Variants in MAGI3 observed in about 807,000 individuals in gnomAD.
MAGI3 encodes the protein membrane associated guanylate kinase, WW and PDZ domain containing 3.
Under a neutral mutation model 121.8 loss-of-function variants are expected in MAGI3, and 43 were observed. That is an observed-to-expected ratio of 0.35 (90% CI 0.28 to 0.46). MAGI3 has a LOEUF of 0.46. MAGI3 is among the 20% of genes least tolerant of loss of function. The probability of loss-of-function intolerance (pLI) is 1.00; values close to 1 mark genes in which losing one functional copy is unlikely to be tolerated. For synonymous variants in MAGI3, 553 were observed against 639.3 expected, an observed-to-expected ratio of 0.86 and a Z score of 2.04; for missense variants, 1,547 against 1,797.3, an observed-to-expected ratio of 0.86 and a Z score of 2.52.
At chr1:113,479,337 G>T (rs1280877521) in intron 1 of MAGI3, among the ~76,000 whole-genome samples, 1 of 152,116 alleles carries the variant, frequency 6.6e-6, no homozygotes, top group African/African-American at 2.4e-5. Flanking sequence ...CGTTGATCAC[G>T]TTGGGAGCTG....
In MAGI3 at chr1:113,622,790, T is replaced by C. The variant is rs1184283253; in HGVS notation, c.1172-16T>C. 3 of 1,557,234 alleles carry C rather than the reference T, an allele frequency of 1.9e-6. No individual in the cohort carries two copies. Among genetic ancestry groups the C allele is most frequent in the East Asian group, 2.4e-5 (1 of 41,882 alleles). Reference sequence around the variant, plus strand: ...AATTATTTTTGTTCTCAAACCCACTTCTCATTTTGGCACAGATATGGAAAA... The same window carrying C: ...AATTATTTTTGTTCTCAAACCCACTCCTCATTTTGGCACAGATATGGAAAA... On this transcript the variant is annotated splice_polypyrimidine_tract_variant and intron_variant, in intron 8 of 20. Transcript: ENST00000307546.
intron 1 of MAGI3, among the ~76,000 whole-genome samples, chr1:113,394,970 A>G (rs1171258333): frequency 6.6e-6 from 1 of 152,106 alleles, no homozygotes; most frequent in East Asian, 1.9e-4. Flanking sequence ...GCTAATTCCT[A>G]GAAATACACT....
intron 19 of MAGI3, among the ~76,000 whole-genome samples, chr1:113,674,006 G>A (rs752134447): frequency 8.5e-5 from 13 of 152,186 alleles, no homozygotes; most frequent in East Asian, 1.9e-4. Flanking sequence ...CTGTGACTTC[G>A]TATAGGGAAC....
intron 1 of MAGI3, among the ~76,000 whole-genome samples, chr1:113,429,144 C>G (rs755882603): frequency 2.6e-5 from 4 of 152,210 alleles, no homozygotes; most frequent in Non-Finnish European, 5.9e-5. Context: ...TCAGCTATTG[C>G]TAATCATTTA....
At chr1:113,641,049 GATATATTATATATGAT>G (rs1486918547) in intron 9 of MAGI3, among the ~76,000 whole-genome samples, 17,205 of 106,958 alleles carry the variant, frequency 0.16, 3,956 homozygotes, top group African/African-American at 0.28. Flanking sequence ...TAATATATAT[GATATATTATATATGAT>G]ATATATAATA....
intron 2 of MAGI3, among the ~76,000 whole-genome samples, chr1:113,556,159 A>T (rs1299978910): frequency 6.6e-6 from 1 of 152,190 alleles, no homozygotes; most frequent in Non-Finnish European, 1.5e-5. Flanking sequence ...TTCTACCTTG[A>T]GAATCTTAAA....
chr1:113,480,995 A>G (rs1355837250), intron 1 of MAGI3, among the ~76,000 whole-genome samples: 1 of 152,234 alleles, frequency 6.6e-6, no homozygotes, highest in Admixed American at 6.5e-5. Flanking sequence ...TTCTCAATAT[A>G]CTACTATTTA....
chr1:113,634,808 A>G (rs1239530619), intron 9 of MAGI3, among the ~76,000 whole-genome samples: 3 of 152,176 alleles, frequency 2.0e-5, no homozygotes, highest in Admixed American at 6.5e-5. Context: ...CATTGAATCT[A>G]TAAATTACCT....
chr1:113,638,732 C>A (rs974572611), intron 9 of MAGI3, among the ~76,000 whole-genome samples: 22 of 74,212 alleles, frequency 3.0e-4, no homozygotes, highest in Non-Finnish European at 5.4e-4. Flanking sequence ...TCTCCAGCTG[C>A]GTGCTAGGAG....
At position 113,647,912 on chromosome 1, in the gene MAGI3, C is replaced by T. The variant is rs979349399; in HGVS notation, c.2155+1270C>T. Among the ~76,000 whole-genome samples the T allele has an allele frequency of 1.2e-4, 17 of 137,724 alleles. No homozygotes were observed. The Admixed American group carries it at 1.3e-3, about 10-fold the overall frequency. 90.4% of individuals were successfully genotyped at this position (137,724 alleles called of 152,430 possible). A position where few individuals can be genotyped will look rare whatever the true frequency, so the allele number is the denominator to read the frequency against. The stretch of plus-strand genomic sequence containing the variant: ...TCACCCATAAAATAAGTGAGTTGAA[C>T]TGATGACTCTTTTTTTTTTTTTCCC... On this transcript the variant is annotated intron_variant, in intron 12 of 20. Coordinates refer to ENST00000307546, the MANE Select transcript of MAGI3 (RefSeq NM_001142782.2).
At position 113,673,307 on chromosome 1, in the gene MAGI3, C is replaced by G; in HGVS notation, c.3046-15C>G. On this transcript the variant is annotated splice_polypyrimidine_tract_variant and intron_variant, in intron 18 of 20. Coordinates refer to ENST00000307546, the MANE Select transcript of MAGI3 (RefSeq NM_001142782.2). ...TCCATGAGAACTTGCTTTTCTTATA[C>G]TTCTTTCTCTCTAGAACCTTGGTTG... The G allele has an allele frequency of 6.2e-7, 1 of 1,605,552 alleles. No homozygotes were observed. Among genetic ancestry groups the G allele is most frequent in the East Asian group, 2.2e-5 (1 of 44,728 alleles).
At chr1:113,456,584 T>G (rs1452550265) in intron 1 of MAGI3, among the ~76,000 whole-genome samples, 3 of 152,200 alleles carry the variant, frequency 2.0e-5, no homozygotes, top group African/African-American at 7.2e-5. Flanking sequence ...TTTCATAACA[T>G]AAGTTATACA....
rs778291528 is a variant in MAGI3, at chr1:113,391,122, G to A, written c.89G>A (p.Gly30Asp). ...VSWAGPPGDF[G>D]AEIRGGAERG... ...TGGGCCGGGCCCCCGGGCGACTTCG[G>A]CGCGGAGATCCGCGGTGGCGCGGAG... Residue 30 changes from glycine to aspartate, a missense_variant, in exon 1 of 21, where the codon GGC becomes GAC. By Grantham distance (94) the Gly-to-Asp change is moderately conservative (BLOSUM62 -1). Coordinates refer to ENST00000307546, the MANE Select transcript of MAGI3 (RefSeq NM_001142782.2). The surrounding 1 kb of genome is among the most constrained non-coding windows in gnomAD (Gnocchi z 4.4). 9.5e-6 allele frequency: 15 copies of A among 1,575,388 alleles called. No individual in the cohort carries two copies. Among genetic ancestry groups the A allele is most frequent in the South Asian group, 1.2e-5 (1 of 86,116 alleles).
At chr1:113,587,195 ATTTG>A (rs10644002) in intron 4 of MAGI3, among the ~76,000 whole-genome samples, 243 of 150,994 alleles carry the variant, frequency 1.6e-3, no homozygotes, top group African/African-American at 5.4e-3. Context: ...TTTTTTGTTT[ATTTG>A]TTTGTTTGTT....
intron 1 of MAGI3, among the ~76,000 whole-genome samples, chr1:113,441,795 C>T (rs529145100): frequency 5.1e-4 from 77 of 152,136 alleles, no homozygotes; most frequent in African/African-American, 1.5e-3. Context: ...ATGGAAGATT[C>T]GTCTTGGTTG....
intron 4 of MAGI3, among the ~76,000 whole-genome samples, chr1:113,588,904 A>C (rs780719056): frequency 5.9e-5 from 9 of 152,140 alleles, no homozygotes; most frequent in Non-Finnish European, 1.2e-4. Flanking sequence ...AGGGGTAAAG[A>C]GAATTATTTT....
In MAGI3 at chr1:113,642,310, G is replaced by C. The variant is rs1343761203; in HGVS notation, c.1760G>C (p.Gly587Ala). The C allele has an allele frequency of 1.9e-6, 3 of 1,614,082 alleles. No individual in the cohort carries two copies. The highest frequency in any genetic ancestry group is 1.7e-6 in the Non-Finnish European group (2 of 1,180,020). Residue 587 changes from glycine (G) to alanine (A), a missense_variant, in exon 10 of 21, where the codon GGG (glycine) becomes GCG (alanine). Coordinates refer to ENST00000307546, the MANE Select transcript of MAGI3 (RefSeq NM_001142782.2). Reference protein sequence around the residue: ...VTIPLIKGPKGFGFAIADSPT... With the variant: ...VTIPLIKGPKAFGFAIADSPT... ...ATCCCTTTGATTAAGGGCCCTAAAG[G>C]GTTTGGGTTTGCAATTGCTGACAGC...
At chr1:113,682,250 G>C (rs750595917) in intron 20 of MAGI3, 5 of 1,609,234 alleles carry the variant, frequency 3.1e-6, no homozygotes, top group Non-Finnish European at 2.5e-6. Flanking sequence ...CGTGAAACCC[G>C]AGCAACATTA....
rs559879776 is a variant in MAGI3 at position 113,685,053 on chromosome 1, G to A, written c.*1039G>A. The A allele has an allele frequency of 2.6e-5, 4 of 152,466 alleles. No homozygotes were observed. In the East Asian group the frequency reaches 5.6e-4, roughly 21 times the overall value. 9.4% of individuals were successfully genotyped at this position (152,466 alleles called of 1,614,324 possible). On this transcript the variant is annotated 3_prime_UTR_variant, in exon 21 of 21. Coordinates refer to ENST00000307546, the MANE Select transcript of MAGI3 (RefSeq NM_001142782.2). ...TGGTAGCAGGTGCACAAGCTTGGGTGTTTAAAAACAACCTGTGTAGGGTAT... is the reference window on the plus strand; with the variant it reads ...TGGTAGCAGGTGCACAAGCTTGGGTATTTAAAAACAACCTGTGTAGGGTAT...
Sources: gnomAD v4.1 joint callset for allele counts (sites outside exome capture counted in the v4.1 genomes callset) on GRCh38, gnomAD v4.1.1 for gene constraint, Gnocchi (gnomAD v3.1) non-coding constraint, MANE v1.5 for transcripts, NCBI Gene and HGNC (gene_info 2026-07-23, HGNC 2026-07-21) for gene names.